The following MEI4 variants were observed in gnomAD, a reference collection of about 807,000 sequenced individuals.
The protein encoded by MEI4 is meiosis-specific protein MEI4.
MEI4 carries 27 observed loss-of-function variants against 31.4 expected under a neutral mutation model. That is an observed-to-expected ratio of 0.86 (90% CI 0.63 to 1.19). MEI4 has a LOEUF of 1.19. Ranked by LOEUF, MEI4 falls within the 50% of genes most tolerant of loss-of-function variation. The pLI is 0.00. For synonymous variants in MEI4, 122 were observed against 145.4 expected (o/e 0.84, Z 1.16); for missense variants, 329 against 398.9 (o/e 0.82, Z 1.49).
chr6:77,801,594 A>G (rs914548584), intron 3 of MEI4, among the ~76,000 whole-genome samples: 3 of 152,104 alleles, frequency 2.0e-5, no homozygotes, highest in African/African-American at 4.8e-5. Flanking sequence ...TGTCAATTTT[A>G]GATCTTTCCT....
intron 3 of MEI4, among the ~76,000 whole-genome samples, chr6:77,764,315 T>C (rs1173816969): frequency 6.6e-6 from 1 of 152,222 alleles, no homozygotes; most frequent in Non-Finnish European, 1.5e-5. Flanking sequence ...TCCATTGTAA[T>C]ACCTCCTTTT....
At chr6:77,823,225 A>C (rs1046171243) in intron 3 of MEI4, among the ~76,000 whole-genome samples, 4 of 152,230 alleles carry the variant, frequency 2.6e-5, no homozygotes, top group Admixed American at 1.3e-4. Flanking sequence ...GTATTTTTAT[A>C]GTATATATAT....
intron 4 of MEI4, among the ~76,000 whole-genome samples, chr6:77,871,496 G>A (rs1771190459): frequency 6.6e-6 from 1 of 152,010 alleles, no homozygotes; most frequent in South Asian, 2.1e-4. Context: ...GCTAAACATT[G>A]GGTACACCTG....
At chr6:77,859,224 T>C (rs1770810720) in intron 4 of MEI4, among the ~76,000 whole-genome samples, 1 of 152,208 alleles carries the variant, frequency 6.6e-6, no homozygotes, top group South Asian at 2.1e-4. Context: ...TGCATAGTAT[T>C]CCATACTGTA....
intron 2 of MEI4, among the ~76,000 whole-genome samples, chr6:77,699,153 C>G (rs1374497773): frequency 6.8e-6 from 1 of 147,684 alleles, no homozygotes; most frequent in Non-Finnish European, 1.5e-5. Flanking sequence ...ACTGGTTATT[C>G]TAGTTATCCA....
intron 3 of MEI4, among the ~76,000 whole-genome samples, chr6:77,787,621 G>A (rs1393010363): frequency 2.0e-5 from 3 of 152,108 alleles, no homozygotes; most frequent in Non-Finnish European, 4.4e-5. Context: ...CAAATGCACA[G>A]ACAACCATGC....
intron 3 of MEI4, among the ~76,000 whole-genome samples, chr6:77,804,004 A>G (rs1164189567): frequency 6.6e-6 from 1 of 152,136 alleles, no homozygotes; most frequent in Non-Finnish European, 1.5e-5. Flanking sequence ...AAAGCTGTCA[A>G]ACAGGGACAT....
chr6:77,838,774 G>T (rs2127713953), intron 4 of MEI4, among the ~76,000 whole-genome samples: 1 of 151,926 alleles, frequency 6.6e-6, no homozygotes, highest in Non-Finnish European at 1.5e-5. Context: ...TGTGGTGGTG[G>T]TGCCTTTAAT....
chr6:77,712,776 C>T (rs1238776615), intron 2 of MEI4, among the ~76,000 whole-genome samples: 1 of 151,930 alleles, frequency 6.6e-6, no homozygotes, highest in Non-Finnish European at 1.5e-5. Flanking sequence ...TGGAGACCAT[C>T]CTAGCTAACA....
chr6:77,907,469 A>G (rs1444905262), intron 4 of MEI4, among the ~76,000 whole-genome samples: 1 of 152,148 alleles, frequency 6.6e-6, no homozygotes, highest in Admixed American at 6.6e-5. Context: ...ACATGAACTC[A>G]TCATTTTTTA....
At chr6:77,863,591 C>A (rs758812065) in intron 4 of MEI4, among the ~76,000 whole-genome samples, 2 of 151,982 alleles carry the variant, frequency 1.3e-5, no homozygotes, top group Non-Finnish European at 2.9e-5. Context: ...GTGAAAAGAC[C>A]AAATCTACGT....
rs1769803074 is a variant in MEI4, at chr6:77,820,699, CA to C, written c.769-8231del. 6.6e-6 allele frequency among the ~76,000 whole-genome samples: 1 copy of C among 151,872 alleles called. No individual in the cohort carries two copies. The highest frequency in any genetic ancestry group is 2.4e-5 in the African/African-American group (1 of 41,324). ...GTGGGTACACAATTATAAGCTAATACATATTTTGTGACAGTAGTTTGAAGAT... is the reference window on the plus strand; with the variant it reads ...GTGGGTACACAATTATAAGCTAATACTATTTTGTGACAGTAGTTTGAAGAT... On this transcript the variant is annotated intron_variant, in intron 3 of 4. Coordinates refer to ENST00000684080, the MANE Select transcript of MEI4 (RefSeq NM_001322247.2). The surrounding 1 kb of genome is among the most constrained non-coding windows in gnomAD (Gnocchi z 4.5).
chr6:77,790,775 AT>A (rs1768901906), intron 3 of MEI4, among the ~76,000 whole-genome samples: 1 of 152,196 alleles, frequency 6.6e-6, no homozygotes, highest in Admixed American at 6.6e-5. Flanking sequence ...AAAAAATTGT[AT>A]CTAATAGAAC....
intron 4 of MEI4, among the ~76,000 whole-genome samples, chr6:77,917,708 T>G (rs1482154894): frequency 6.2e-5 from 9 of 144,712 alleles, no homozygotes; most frequent in South Asian, 2.2e-4. Context: ...TTTCTCCCAT[T>G]TTGTAGGTTG....
intron 4 of MEI4, among the ~76,000 whole-genome samples, chr6:77,892,189 C>G (rs942896811): frequency 6.6e-6 from 1 of 152,082 alleles, no homozygotes; most frequent in East Asian, 1.9e-4. Context: ...TGGTGGTAGT[C>G]TGTGCAAGCC....
intron 1 of MEI4, among the ~76,000 whole-genome samples, chr6:77,679,377 A>G (rs542035384): frequency 3.3e-5 from 5 of 151,242 alleles, no homozygotes; most frequent in Admixed American, 1.3e-4. Flanking sequence ...ATGTTTAGAT[A>G]TATTTAGATA....
chr6:77,744,477 C>G (rs571215007), intron 2 of MEI4, among the ~76,000 whole-genome samples: 6 of 151,456 alleles, frequency 4.0e-5, no homozygotes, highest in Admixed American at 3.3e-4. Context: ...TGCGAAAAGA[C>G]CAAATCTACG....
intron 4 of MEI4, 114 bp from the exon 5 acceptor site, chr6:77,922,975 G>A: frequency 4.0e-6 from 2 of 501,602 alleles, no homozygotes; most frequent in East Asian, 7.1e-5. Context: ...ATGACAGAAG[G>A]TGTTAAATAT....
rs376771938 is a variant in MEI4 at position 77,847,242 on chromosome 6, G to A, written c.900+18180G>A. Among the ~76,000 whole-genome samples, 91 of 152,188 alleles carry A rather than the reference G, an allele frequency of 6.0e-4. 2 individuals are homozygous for A. The highest frequency in any genetic ancestry group is 1.5e-3 in the African/African-American group (63 of 41,534). ...ATAGTTGTGGAAGATCCAGGTGTAC[G>A]GTCACTGTCAAAATAATTCTGTGTC... On this transcript the variant is annotated intron_variant, in intron 4 of 4. Transcript: ENST00000684080. The surrounding 1 kb of genome is among the most constrained non-coding windows in gnomAD (Gnocchi z 4.6).
Sources: gnomAD v4.1 joint callset for allele counts (sites outside exome capture counted in the v4.1 genomes callset) on GRCh38, gnomAD v4.1.1 for gene constraint, Gnocchi (gnomAD v3.1) non-coding constraint, MANE v1.5 for transcripts, NCBI Gene and HGNC (gene_info 2026-07-23, HGNC 2026-07-21) for gene names.